The following DPP10 variants were observed in gnomAD, a reference collection of about 807,000 sequenced individuals.
DPP10 encodes dipeptidyl peptidase like 10.
In DPP10, 33 loss-of-function variants were observed where a neutral mutation model predicts 120.9. The observed-to-expected ratio is 0.27, with a 90% CI of 0.21 to 0.37. DPP10 has a LOEUF of 0.37. Among genes scored for constraint, DPP10 ranks in the 10% least tolerant of loss-of-function variants. The pLI is 1.00. For synonymous variants in DPP10, 337 were observed against 326.1 expected (o/e 1.03, Z -0.36); for missense variants, 816 against 942.8 (o/e 0.87, Z 1.76).
chr2:115,642,391 G>T (rs1195872307), intron 5 of DPP10, among the ~76,000 whole-genome samples: 6 of 152,018 alleles, frequency 3.9e-5, no homozygotes, highest in African/African-American at 1.4e-4. Context: ...TTAGTTTAAG[G>T]TCTTATCAGA....
At chr2:115,154,134 G>A (rs78784659) in intron 1 of DPP10, among the ~76,000 whole-genome samples, 4,363 of 152,228 alleles carry the variant, frequency 0.029, 141 homozygotes, top group East Asian at 0.16. Context: ...AATTTAAGCT[G>A]TATTTACAAC....
At chr2:115,491,675 T>A (rs568367890) in intron 3 of DPP10, among the ~76,000 whole-genome samples, 1 of 152,178 alleles carries the variant, frequency 6.6e-6, no homozygotes, top group Non-Finnish European at 1.5e-5. Context: ...GAGTTTGGAA[T>A]GTTTCTGGTT....
intron 1 of DPP10, among the ~76,000 whole-genome samples, chr2:114,868,378 G>A (rs554706555): frequency 6.6e-6 from 1 of 152,268 alleles, no homozygotes; most frequent in South Asian, 2.1e-4. Context: ...TTTGTTAAAA[G>A]GACTATTGTA....
rs186491395 is a variant in DPP10 at position 114,768,217 on chromosome 2, T to C, written c.60+325379T>C. ...AAAATGAGATTGATATAAAGACATT[T>C]TCTGGTAGATAAAAGCAGAGATTGT... is the stretch of plus-strand genomic sequence containing the variant. On this transcript the variant is annotated intron_variant, in intron 1 of 25. Transcript: ENST00000410059. Among the ~76,000 whole-genome samples the C allele has an allele frequency of 2.5e-3, 377 of 152,136 alleles. 2 individuals are homozygous for C. Among genetic ancestry groups the C allele is most frequent in the African/African-American group, 8.5e-3 (353 of 41,508 alleles).
At chr2:115,466,330 A>G (rs2074323911) in intron 3 of DPP10, among the ~76,000 whole-genome samples, 1 of 152,182 alleles carries the variant, frequency 6.6e-6, no homozygotes, top group Non-Finnish European at 1.5e-5. Flanking sequence ...ATCATGTAAC[A>G]TTTTGTAGAG....
At chr2:115,783,801 A>G (rs958313616) in intron 17 of DPP10, among the ~76,000 whole-genome samples, 22 of 152,222 alleles carry the variant, frequency 1.4e-4, no homozygotes, top group Non-Finnish European at 1.3e-4. Context: ...AGTGTATAAA[A>G]TAAGTCTATC....
At chr2:115,386,594 T>C (rs766165500) in intron 3 of DPP10, among the ~76,000 whole-genome samples, 2 of 152,154 alleles carry the variant, frequency 1.3e-5, no homozygotes, top group African/African-American at 2.4e-5. Flanking sequence ...AAAGTTTCTT[T>C]TGTTGATTCC....
At chr2:115,064,412 T>C (rs1169001759) in intron 1 of DPP10, among the ~76,000 whole-genome samples, 2 of 152,164 alleles carry the variant, frequency 1.3e-5, no homozygotes, top group East Asian at 3.9e-4. Context: ...AGCAGATGTT[T>C]GACCTTCAGG....
intron 2 of DPP10, among the ~76,000 whole-genome samples, chr2:115,337,671 A>G (rs2063223498): frequency 6.6e-6 from 1 of 150,582 alleles, no homozygotes; most frequent in South Asian, 2.1e-4. Context: ...TAAAAAAAAA[A>G]AAAAAAAAAA....
chr2:114,986,714 G>A (rs1017092456), intron 1 of DPP10, among the ~76,000 whole-genome samples: 1 of 152,202 alleles, frequency 6.6e-6, no homozygotes, highest in African/African-American at 2.4e-5. Context: ...AGCATTTTGA[G>A]TATCTGCAAA....
intron 1 of DPP10, among the ~76,000 whole-genome samples, chr2:115,159,207 C>T (rs987747643): frequency 3.9e-5 from 6 of 151,942 alleles, no homozygotes; most frequent in African/African-American, 9.7e-5. Context: ...GTCTGTAATC[C>T]CAGCACTCTG....
At chr2:114,625,199 G>A (rs1357259492) in intron 1 of DPP10, among the ~76,000 whole-genome samples, 1 of 151,832 alleles carries the variant, frequency 6.6e-6, no homozygotes, top group East Asian at 1.9e-4. Context: ...TTTTGTTGTT[G>A]TATTGTTGAA....
chr2:114,640,804 A>G (rs904761587), intron 1 of DPP10, among the ~76,000 whole-genome samples: 1 of 151,860 alleles, frequency 6.6e-6, no homozygotes, highest in Non-Finnish European at 1.5e-5. Flanking sequence ...CCTTCTTGGT[A>G]TGTTACAGGG....
intron 1 of DPP10, among the ~76,000 whole-genome samples, chr2:114,615,196 A>T (rs1253944144): frequency 6.6e-6 from 1 of 152,164 alleles, no homozygotes; most frequent in Non-Finnish European, 1.5e-5. Context: ...AGTAAAGAAT[A>T]AACTTGCCTC....
chr2:115,362,945 G>A (rs1021735814), intron 3 of DPP10, among the ~76,000 whole-genome samples: 4 of 152,164 alleles, frequency 2.6e-5, no homozygotes, highest in Non-Finnish European at 5.9e-5. Flanking sequence ...ACTTTCAGTT[G>A]ATAACACCTT....
At position 115,624,114 on chromosome 2, in the gene DPP10, CT is replaced by C. The variant is rs138371675; in HGVS notation, c.442-65570del. Among the ~76,000 whole-genome samples the C allele has an allele frequency of 7.9e-3, 1,198 of 152,120 alleles. 6 individuals are homozygous for C. Among genetic ancestry groups the C allele is most frequent in the Non-Finnish European group, 0.013 (856 of 67,994 alleles). On this transcript the variant is annotated intron_variant, in intron 5 of 25. Transcript: ENST00000410059. ...TTGGATTCCTGTCTTTCATATTTGTCTTTCTAAAGCACTTTAAAATCTTGGA... is the reference window on the plus strand; with the variant it reads ...TTGGATTCCTGTCTTTCATATTTGTCTTCTAAAGCACTTTAAAATCTTGGA...
At chr2:114,667,834 A>G (rs1698044873) in intron 1 of DPP10, among the ~76,000 whole-genome samples, 1 of 152,180 alleles carries the variant, frequency 6.6e-6, no homozygotes, top group African/African-American at 2.4e-5. Flanking sequence ...AGGTAAGTAC[A>G]AATCTGAAAC....
intron 5 of DPP10, among the ~76,000 whole-genome samples, chr2:115,675,030 A>G (rs912639933): frequency 1.6e-4 from 25 of 152,152 alleles, no homozygotes; most frequent in African/African-American, 6.0e-4. Context: ...GTTATTGTCA[A>G]ATATTGTCAA....
At chr2:115,095,585 G>GT (rs201649163) in intron 1 of DPP10, among the ~76,000 whole-genome samples, 22,512 of 86,124 alleles carry the variant, frequency 0.26, 2,007 homozygotes, top group East Asian at 0.36. Context: ...TTTTTTTTTT[G>GT]TTTTTTTTTT....
Sources: allele counts gnomAD v4.1 joint callset (sites outside exome capture counted in the v4.1 genomes callset), GRCh38; gene constraint gnomAD v4.1.1; transcripts MANE v1.5; gene names NCBI Gene and HGNC (gene_info 2026-07-23, HGNC 2026-07-21).